The following PML variants were observed in gnomAD, a reference collection of about 807,000 sequenced individuals.
The protein encoded by PML is PML nuclear body scaffold.
Under a neutral mutation model 65.2 loss-of-function variants are expected in PML, and 28 were observed. That is an observed-to-expected ratio of 0.43 (90% confidence interval 0.32 to 0.59). PML has a LOEUF of 0.59. Ranked by LOEUF, PML falls within the 20% of genes least tolerant of loss-of-function variation. The probability of loss-of-function intolerance (pLI) is 0.08; values close to 1 mark genes in which losing one functional copy is unlikely to be tolerated. For missense variants in PML, 1,021 were observed against 1,203.4 expected (o/e 0.85, Z 2.24); for synonymous variants, 500 against 508.8 (o/e 0.98, Z 0.23).
At chr15:73,999,880 G>A (rs2069679646) in intron 2 of PML, among the ~76,000 whole-genome samples, 1 of 148,452 alleles carries the variant, frequency 6.7e-6, no homozygotes, top group African/African-American at 2.5e-5. Context: ...TGTCACCCAG[G>A]CTGGAGTGCA....
Position 74,043,489 on chromosome 15 carries a change from C to A in PML, c.1861+350C>A. The A allele has an allele frequency of 1.0e-6, 1 of 984,162 alleles. No homozygotes were observed. The highest frequency in any genetic ancestry group is 1.4e-6 in the Non-Finnish European group (1 of 719,014). The allele number at this position is 984,162 out of a possible 1,614,324, so 61.0% of individuals were successfully genotyped here. On this transcript the variant is annotated intron_variant, in intron 8 of 8. Coordinates refer to ENST00000268058, the MANE Select transcript of PML (RefSeq NM_033238.3). The surrounding 1 kb of genome is among the most constrained non-coding windows in gnomAD (Gnocchi z 4.3). The stretch of plus-strand genomic sequence containing the variant: ...CGTGAGCCCTGTCATCCAAGTAAGG[C>A]CTCTGGCTGTGCTACACGTTTCTGA...
At chr15:74,025,154 G>A (rs1219218850) in intron 4 of PML, 1 of 559,522 alleles carries the variant, frequency 1.8e-6, no homozygotes, top group African/African-American at 1.9e-5. Context: ...CTCTTGATGG[G>A]CCATGAGCCA....
chr15:74,025,488 G>T (rs2071033092), intron 4 of PML: 1 of 166,944 alleles, frequency 6.0e-6, no homozygotes, highest in Admixed American at 5.6e-5. Context: ...CCCGGGTTCT[G>T]CTGGTGTGAT....
rs751376158 is a variant in PML, at chr15:74,023,336, G to T, written c.1111G>T (p.Val371Leu). The T allele has an allele frequency of 6.7e-5, 107 of 1,605,340 alleles. No homozygotes were observed. The highest frequency in any genetic ancestry group is 1.7e-4 in the Middle Eastern group (1 of 5,930). The change falls in exon 3 of 9, where the codon GTG (valine) becomes TTG (leucine). Residue 371 changes from valine to leucine, a missense_variant. By Grantham distance (32) the Val-to-Leu change is conservative. Coordinates refer to ENST00000268058, the MANE Select transcript of PML (RefSeq NM_033238.3). Reference sequence around the variant, plus strand: ...GGAGCCCCAGAGCCTGCAAGCTGCCGTGCGCACCGATGGCTTCGACGAGTT... The same window carrying T: ...GGAGCCCCAGAGCCTGCAAGCTGCCTTGCGCACCGATGGCTTCGACGAGTT... ...QEEPQSLQAA[V>L]RTDGFDEFKV... is the part of the protein sequence containing the mutation.
rs1395081604 is a variant in PML, at chr15:74,046,868, T to C, written c.*1860T>C. On this transcript the variant is annotated 3_prime_UTR_variant, in exon 9 of 9. Transcript: ENST00000268058. Reference sequence around the variant, plus strand: ...GGAGGGGGCTCTCCCAGGCATAGGCTTGTGGCCACTTGCCCAGCACAACTG... The same window carrying C: ...GGAGGGGGCTCTCCCAGGCATAGGCCTGTGGCCACTTGCCCAGCACAACTG... The C allele has an allele frequency of 1.3e-5, 3 of 230,486 alleles. No homozygotes were observed. The East Asian group carries it at 1.8e-4, about 14-fold the overall frequency. The allele number at this position is 230,486 out of a possible 1,614,324, so 14.3% of individuals were successfully genotyped here.
rs2071708877 is a variant in PML at position 74,042,062 on chromosome 15, C to G, written c.1711-927C>G. 6.6e-6 allele frequency among the ~76,000 whole-genome samples: 1 copy of G among 152,226 alleles called. No individual in the cohort carries two copies. The highest frequency in any genetic ancestry group is 2.1e-4 in the South Asian group (1 of 4,838). On this transcript the variant is annotated intron_variant, in intron 7 of 8. Transcript: ENST00000268058. This position sits in a 1 kb window ranked among gnomAD's most constrained non-coding sequence, Gnocchi z 5.3. ...GCTTGGCAGCTGAGCAGATGATAAG[C>G]AATTAACTCTGTATTACCATCAGAG...
Position 74,047,063 on chromosome 15 carries a change from C to G in PML, c.*2055C>G, listed in dbSNP as rs370833832. 4 of 229,968 alleles carry G rather than the reference C, an allele frequency of 1.7e-5. 1 individual carries two copies. 14.2% of individuals were successfully genotyped at this position (229,968 alleles called of 1,614,324 possible). A position where few individuals can be genotyped will look rare whatever the true frequency, so the allele number is the denominator to read the frequency against. ...GTGCCATGTGGCAGGAAAGAAGCAC[C>G]GATTTCAAGAATTACTTCCTAGAGA... On this transcript the variant is annotated 3_prime_UTR_variant, in exon 9 of 9. Coordinates refer to ENST00000268058, the MANE Select transcript of PML (RefSeq NM_033238.3).
chr15:74,036,214 G>A, intron 7 of PML: 1 of 1,568,500 alleles, frequency 6.4e-7, no homozygotes. Flanking sequence ...AGAAACTTCT[G>A]TCACCCTTGC....
At chr15:74,033,544 T>A in intron 6 of PML, 130 bp downstream of exon 6, 1 of 980,298 alleles carries the variant, frequency 1.0e-6, no homozygotes, top group Non-Finnish European at 1.6e-6. Context: ...CTGAATAAGA[T>A]AGGGAAAGTT....
chr15:74,031,627 T>C (rs559970511), intron 4 of PML, among the ~76,000 whole-genome samples: 15 of 152,366 alleles, frequency 9.8e-5, no homozygotes, highest in Admixed American at 2.0e-4. Context: ...CTCTGAACAT[T>C]CACGTGCAAG....
chr15:74,009,150 T>C (rs1295287770), intron 2 of PML, among the ~76,000 whole-genome samples: 1 of 152,220 alleles, frequency 6.6e-6, no homozygotes, highest in African/African-American at 2.4e-5. Context: ...GGTCTAGGGC[T>C]GCAGGTGGAG....
At chr15:74,039,610 C>T (rs114412859) in intron 7 of PML, among the ~76,000 whole-genome samples, 5,155 of 152,286 alleles carry the variant, frequency 0.034, 149 homozygotes, top group South Asian at 0.12. Flanking sequence ...TGGCTGTACA[C>T]TGGGGAGTTT....
At chr15:74,033,563 G>A (rs769188236) in intron 6 of PML, 149 bp downstream of exon 6, 1 of 862,896 alleles carries the variant, frequency 1.2e-6, no homozygotes, top group Non-Finnish European at 1.9e-6. Context: ...TTCACAGTGT[G>A]CGTGGGGGTG....
intron 2 of PML, among the ~76,000 whole-genome samples, chr15:74,004,654 T>C (rs1371390954): frequency 6.6e-6 from 1 of 152,186 alleles, no homozygotes; most frequent in Middle Eastern, 3.2e-3. Flanking sequence ...ATCGCCATTG[T>C]TGATCTGAAA....
intron 3 of PML, among the ~76,000 whole-genome samples, chr15:74,023,709 C>A (rs1354923930): frequency 6.6e-6 from 1 of 152,122 alleles, no homozygotes; most frequent in Non-Finnish European, 1.5e-5. Flanking sequence ...AGAATCAGAC[C>A]CAGTATCATT....
intron 2 of PML, among the ~76,000 whole-genome samples, chr15:74,006,407 A>G (rs7495728): frequency 0.044 from 6,651 of 151,028 alleles, 240 homozygotes; most frequent in East Asian, 0.18. Context: ...AAAAAAAAAA[A>G]AAAGAAAGAA....
Position 74,023,291 on chromosome 15 carries a change from C to T in PML, c.1066C>T (p.Leu356Phe), listed in dbSNP as rs2070926975. The T allele has an allele frequency of 5.0e-6, 8 of 1,609,910 alleles. No homozygotes were observed. The highest frequency in any genetic ancestry group is 5.9e-6 in the Non-Finnish European group (7 of 1,179,628). ...LDMHGFLRQA[L>F]CRLRQEEPQS... ...CATGCACGGTTTCCTGCGCCAGGCG[C>T]TCTGCCGCCTGCGCCAGGAGGAGCC... Residue 356 changes from leucine to phenylalanine, a missense_variant, in exon 3 of 9, where the codon CTC becomes TTC. Physicochemically the swap from Leu to Phe is conservative, Grantham distance 22. Transcript: ENST00000268058.
chr15:74,039,772 G>C (rs544907692), intron 7 of PML, among the ~76,000 whole-genome samples: 49 of 152,344 alleles, frequency 3.2e-4, no homozygotes, highest in Non-Finnish European at 6.2e-4. Context: ...GTCTGTGGTA[G>C]AGGAATGCTG....
chr15:74,022,585 G>C (rs886924127), intron 2 of PML, among the ~76,000 whole-genome samples: 7 of 152,208 alleles, frequency 4.6e-5, no homozygotes, highest in Non-Finnish European at 1.0e-4. Flanking sequence ...TTGTCGTTTC[G>C]TATATCTTTG....
Sources: allele counts gnomAD v4.1 joint callset (sites outside exome capture counted in the v4.1 genomes callset), GRCh38; gene constraint gnomAD v4.1.1; non-coding constraint Gnocchi (gnomAD v3.1); transcripts MANE v1.5; gene names NCBI Gene and HGNC (gene_info 2026-07-23, HGNC 2026-07-21).